Variants in NRG3 observed in about 807,000 individuals in gnomAD.
The protein encoded by NRG3 is neuregulin 3.
NRG3 carries 31 observed loss-of-function variants against 66.9 expected under a neutral mutation model. The observed-to-expected ratio is 0.46, with a 90% CI of 0.35 to 0.63. The LOEUF is 0.63. NRG3 is among the 20% of genes least tolerant of loss of function. The probability of loss-of-function intolerance (pLI) is 0.00; values close to 1 mark genes in which losing one functional copy is unlikely to be tolerated. For synonymous variants in NRG3, 393 were observed against 359.4 expected (o/e 1.09, Z -1.06); for missense variants, 910 against 878.9 (o/e 1.04, Z -0.45).
At chr10:82,632,476 C>T (rs1224870474) in intron 2 of NRG3, among the ~76,000 whole-genome samples, 1 of 152,092 alleles carries the variant, frequency 6.6e-6, no homozygotes, top group East Asian at 1.9e-4. Context: ...CAAATACTTA[C>T]TCATGTTTCA....
intron 5 of NRG3, among the ~76,000 whole-genome samples, chr10:82,951,780 T>C (rs1387173700): frequency 6.6e-6 from 1 of 152,182 alleles, no homozygotes; most frequent in Non-Finnish European, 1.5e-5. Flanking sequence ...TGCACACATG[T>C]GTGCGCGGTT....
intron 4 of NRG3, among the ~76,000 whole-genome samples, chr10:82,902,371 C>A (rs1844312062): frequency 6.6e-6 from 1 of 152,026 alleles, no homozygotes; most frequent in Non-Finnish European, 1.5e-5. Flanking sequence ...TAGTTATATG[C>A]AGCATTTCTT....
chr10:82,823,351 AG>A (rs1564536912), intron 3 of NRG3, among the ~76,000 whole-genome samples: 1 of 152,202 alleles, frequency 6.6e-6, no homozygotes, highest in African/African-American at 2.4e-5. Flanking sequence ...AGAACAAAGC[AG>A]GGATAGGCTT....
At chr10:82,553,925 A>G (rs115121640) in intron 2 of NRG3, among the ~76,000 whole-genome samples, 2,556 of 152,260 alleles carry the variant, frequency 0.017, 70 homozygotes, top group African/African-American at 0.056. Flanking sequence ...CAAGACAGTT[A>G]TGATATTTCA....
intron 1 of NRG3, among the ~76,000 whole-genome samples, chr10:81,885,520 C>A (rs1024987802): frequency 6.6e-6 from 1 of 152,134 alleles, no homozygotes; most frequent in Non-Finnish European, 1.5e-5. Context: ...AAACTAGACC[C>A]AATCATTGCT....
chr10:82,056,440 G>T (rs1480621824), intron 1 of NRG3, among the ~76,000 whole-genome samples: 1 of 152,134 alleles, frequency 6.6e-6, no homozygotes, highest in Non-Finnish European at 1.5e-5. Flanking sequence ...GTAATGAGAA[G>T]ATTTAGATAC....
intron 3 of NRG3, 62 bp from the exon 4 acceptor site, chr10:82,865,349 A>G (rs1840609912): frequency 6.4e-7 from 1 of 1,561,278 alleles, no homozygotes; most frequent in Non-Finnish European, 8.8e-7. Flanking sequence ...CCATGTATAG[A>G]GCTTTTTCTA....
intron 2 of NRG3, among the ~76,000 whole-genome samples, chr10:82,409,786 T>C (rs750250971): frequency 1.2e-4 from 19 of 152,154 alleles, no homozygotes; most frequent in Non-Finnish European, 2.1e-4. Flanking sequence ...TCAAACATTT[T>C]CTGGGCTGTG....
chr10:82,453,609 G>C (rs750256271), intron 2 of NRG3, among the ~76,000 whole-genome samples: 2 of 151,846 alleles, frequency 1.3e-5, no homozygotes, highest in Non-Finnish European at 2.9e-5. Context: ...GGTATCAATG[G>C]CACCTGGTGT....
At chr10:82,489,233 C>T (rs960363384) in intron 2 of NRG3, among the ~76,000 whole-genome samples, 2 of 152,068 alleles carry the variant, frequency 1.3e-5, no homozygotes, top group Non-Finnish European at 2.9e-5. Context: ...CTATTCAGTT[C>T]CTATATTTTT....
At chr10:82,252,300 G>A (rs1385446234) in intron 1 of NRG3, among the ~76,000 whole-genome samples, 2 of 152,178 alleles carry the variant, frequency 1.3e-5, no homozygotes, top group East Asian at 3.9e-4. Flanking sequence ...AGCCAGTGCT[G>A]ATGATATAAA....
intron 2 of NRG3, among the ~76,000 whole-genome samples, chr10:82,498,342 T>C (rs1016373929): frequency 1.3e-5 from 2 of 152,140 alleles, no homozygotes; most frequent in Admixed American, 6.6e-5. Flanking sequence ...GATAAAAAGA[T>C]GGAAGAAAGC....
intron 5 of NRG3, among the ~76,000 whole-genome samples, chr10:82,953,940 A>G (rs1027404927): frequency 2.1e-5 from 3 of 139,870 alleles, no homozygotes; most frequent in Non-Finnish European, 4.7e-5. Context: ...CCTAGGCAAC[A>G]GAGTGAGATT....
intron 2 of NRG3, among the ~76,000 whole-genome samples, chr10:82,549,752 C>G (rs2044177292): frequency 6.6e-6 from 1 of 152,144 alleles, no homozygotes; most frequent in African/African-American, 2.4e-5. Flanking sequence ...AATTAGTTTT[C>G]TGTCTGAGGC....
rs1228514377 is a variant in NRG3, at chr10:82,348,994, T to C, written c.824-9745T>C. 2.0e-5 allele frequency among the ~76,000 whole-genome samples: 3 copies of C among 151,914 alleles called. No homozygotes were observed. The East Asian group carries it at 5.8e-4, about 30-fold the overall frequency. ...CTAAATTTTTTTCAAAGTTTTCAAC[T>C]TCTTTGCCTTTGGTTTGAATGTCCT... On this transcript the variant is annotated intron_variant, in intron 1 of 8. Coordinates refer to ENST00000372141, the MANE Select transcript of NRG3 (RefSeq NM_001010848.4).
At chr10:82,977,099 C>G (rs1852336909) in intron 7 of NRG3, among the ~76,000 whole-genome samples, 1 of 152,192 alleles carries the variant, frequency 6.6e-6, no homozygotes, top group South Asian at 2.1e-4. Context: ...CTTCCAGTAA[C>G]TAGTTACCTG....
intron 2 of NRG3, among the ~76,000 whole-genome samples, chr10:82,589,152 A>G (rs1053347948): frequency 6.6e-6 from 1 of 152,036 alleles, no homozygotes; most frequent in Non-Finnish European, 1.5e-5. Flanking sequence ...CTGCTTGGAA[A>G]ATTGCCGCTG....
chr10:82,789,329 T>A (rs76237152), intron 3 of NRG3, among the ~76,000 whole-genome samples: 5,773 of 152,206 alleles, frequency 0.038, 260 homozygotes, highest in East Asian at 0.23. Flanking sequence ...TGTCCATTTT[T>A]AAATGAGTTC....
chr10:82,959,978 A>G (rs1186103156), intron 6 of NRG3, among the ~76,000 whole-genome samples: 2 of 152,218 alleles, frequency 1.3e-5, no homozygotes, highest in African/African-American at 4.8e-5. Context: ...GAGGCATAAA[A>G]CAAAAGAACA....
Sources: allele counts gnomAD v4.1 joint callset (sites outside exome capture counted in the v4.1 genomes callset), GRCh38; gene constraint gnomAD v4.1.1; transcripts MANE v1.5; gene names NCBI Gene and HGNC (gene_info 2026-07-23, HGNC 2026-07-21).